Variants in UBR3 observed in about 807,000 individuals in gnomAD.
UBR3 encodes ubiquitin protein ligase E3 component n-recognin 3, also known as E3 ubiquitin-protein ligase UBR3.
In UBR3, 85 loss-of-function variants were observed where a neutral mutation model predicts 243.2. The observed-to-expected ratio is 0.35, with a 90% CI of 0.29 to 0.42. The LOEUF is 0.42. UBR3 is among the 10% of genes least tolerant of loss of function. The pLI is 1.00. For missense variants in UBR3, 1,686 were observed against 2,300.8 expected (o/e 0.73, Z 5.47); for synonymous variants, 748 against 799.8 (o/e 0.94, Z 1.09).
chr2:169,967,756 T>C (rs1041225844), intron 24 of UBR3, among the ~76,000 whole-genome samples: 2 of 152,246 alleles, frequency 1.3e-5, no homozygotes, highest in African/African-American at 4.8e-5. Context: ...AATAATACAG[T>C]TTAATTTGTG....
intron 24 of UBR3, among the ~76,000 whole-genome samples, chr2:169,983,533 A>G (rs1395567581): frequency 6.6e-6 from 1 of 151,930 alleles, no homozygotes; most frequent in Non-Finnish European, 1.5e-5. Flanking sequence ...AAGTGCTGAG[A>G]TTATAGGTGT....
intron 35 of UBR3, among the ~76,000 whole-genome samples, chr2:170,070,145 G>A (rs1249068977): frequency 6.6e-6 from 1 of 152,048 alleles, no homozygotes; most frequent in Non-Finnish European, 1.5e-5. Flanking sequence ...ATGCTGCATT[G>A]AACATGGGCA....
intron 5 of UBR3, among the ~76,000 whole-genome samples, chr2:169,881,953 T>G (rs1234392162): frequency 9.6e-6 from 1 of 104,648 alleles, no homozygotes. Context: ...TACATATGTA[T>G]GTATACATAC....
At position 169,925,685 on chromosome 2, in the gene UBR3, A is replaced by G; in HGVS notation, c.2089A>G (p.Met697Val). Reference protein sequence around the residue: ...RNGLQIKGQAMTYVQSHFCNS... With the variant: ...RNGLQIKGQAVTYVQSHFCNS... ...TGGTCTGCAAATCAAAGGACAAGCC[A>G]TGACGTATGTCCAGTCTCATTTCTG... Residue 697 changes from methionine (M) to valine (V), a missense_variant, in exon 14 of 39, where the codon ATG (methionine) becomes GTG (valine). Met to Val is a conservative substitution (Grantham distance 21, BLOSUM62 1). This residue lies in a region of UBR3 where 346 missense variants were observed against 585.8 expected (regional missense o/e 0.59). Coordinates refer to ENST00000272793, the MANE Select transcript of UBR3 (RefSeq NM_172070.4). 6.4e-7 allele frequency: 1 copy of G among 1,551,304 alleles called. No homozygotes were observed. Among genetic ancestry groups the G allele is most frequent in the South Asian group, 1.2e-5 (1 of 83,998 alleles).
intron 33 of UBR3, 26 bp from the exon 34 acceptor site, chr2:170,061,053 T>TG: frequency 6.9e-7 from 1 of 1,441,550 alleles, no homozygotes; most frequent in South Asian, 1.4e-5. Context: ...CAGTGACCAG[T>TG]GTAACCAATA....
rs1225711717 is a variant in UBR3 at position 170,008,949 on chromosome 2, A to G, written c.4367+9A>G. The G allele has an allele frequency of 8.5e-6, 13 of 1,526,704 alleles. No individual in the cohort carries two copies. Among genetic ancestry groups the G allele is most frequent in the Non-Finnish European group, 1.1e-5 (12 of 1,140,320 alleles). The allele number at this position is 1,526,704 out of a possible 1,614,324, so 94.6% of individuals were successfully genotyped here. ...ATGTACTCTGTTGCTAGGTAGGTAT[A>G]TATAGTGTATACTTTTTAGTTTACT... is the stretch of plus-strand genomic sequence containing the variant. On this transcript the variant is annotated intron_variant, in intron 29 of 38. Transcript: ENST00000272793.
intron 32 of UBR3, among the ~76,000 whole-genome samples, chr2:170,048,591 C>CTGA (rs1265108807): frequency 6.6e-6 from 1 of 152,214 alleles, no homozygotes; most frequent in African/African-American, 2.4e-5. Context: ...TCCCAGCTTG[C>CTGA]TGATGGCTAG....
chr2:169,927,103 A>T lies in UBR3; in HGVS notation c.2338+132A>T, dbSNP rs1016261117. On this transcript the variant is annotated intron_variant, in intron 16 of 38. Transcript: ENST00000272793. ...ATGTAAACAATGTTTCAAACTCTTG[A>T]TATGTTGTACTGTAGGTATACCTTT... The T allele has an allele frequency of 1.4e-4, 173 of 1,208,866 alleles. 1 individual carries two copies. The highest frequency in any genetic ancestry group is 1.9e-4 in the Non-Finnish European group (164 of 876,582). 74.9% of individuals were successfully genotyped at this position (1,208,866 alleles called of 1,614,324 possible).
intron 31 of UBR3, among the ~76,000 whole-genome samples, chr2:170,032,580 CTTTTTTTTTTTTTTTTTT>C (rs6147023): frequency 4.9e-5 from 1 of 20,438 alleles, no homozygotes; most frequent in Non-Finnish European, 8.4e-5. Context: ...ATGACATTCA[CTTTTTTTTTTTTTTTTTT>C]TTTTTTTTTT....
chr2:170,080,375 C>A, intron 37 of UBR3, 170 bp from the exon 38 acceptor site: 1 of 776,044 alleles, frequency 1.3e-6, no homozygotes, highest in South Asian at 2.3e-5. Context: ...ACCCAAATAC[C>A]TCCTAATGTA....
Position 169,950,025 on chromosome 2 carries a change from G to C in UBR3, c.3505G>C (p.Val1169Leu). The C allele has an allele frequency of 6.3e-7, 1 of 1,587,780 alleles. No individual in the cohort carries two copies. The highest frequency in any genetic ancestry group is 8.5e-7 in the Non-Finnish European group (1 of 1,170,488). ...KVTPPVPPKKVTAAEKKTLDK... is the reference protein window; with the variant it reads ...KVTPPVPPKKLTAAEKKTLDK... The stretch of plus-strand genomic sequence containing the variant: ...GACCCCTCCTGTACCACCTAAAAAA[G>C]TCACTGCAGCAGAGAAGAAAACATT... The change falls in exon 23 of 39, where the codon GTC becomes CTC. Residue 1169 changes from valine (V) to leucine (L), a missense_variant. Physicochemically the swap from Val to Leu is conservative, Grantham distance 32. Around this residue, in one of 8 missense-constraint regions of UBR3, gnomAD observed 300 missense variants for 314.4 expected, o/e 0.95. Coordinates refer to ENST00000272793, the MANE Select transcript of UBR3 (RefSeq NM_172070.4).
chr2:169,940,828 G>A (rs900342891), intron 19 of UBR3, among the ~76,000 whole-genome samples: 11 of 152,070 alleles, frequency 7.2e-5, no homozygotes, highest in Admixed American at 6.6e-4. Context: ...ATGGCTGTCC[G>A]AAAATATTAA....
intron 1 of UBR3, among the ~76,000 whole-genome samples, chr2:169,841,916 C>T (rs1461426116): frequency 6.6e-6 from 1 of 152,248 alleles, no homozygotes; most frequent in Non-Finnish European, 1.5e-5. Flanking sequence ...CTGAGGAATG[C>T]GAGCGCACGG....
At chr2:169,908,017 C>T (rs770369414) in intron 10 of UBR3, among the ~76,000 whole-genome samples, 7 of 152,150 alleles carry the variant, frequency 4.6e-5, no homozygotes, top group Non-Finnish European at 8.8e-5. Flanking sequence ...GGTGATCTGC[C>T]CACCTCAGCC....
At chr2:169,988,972 C>T (rs1210648932) in intron 25 of UBR3, among the ~76,000 whole-genome samples, 2 of 152,046 alleles carry the variant, frequency 1.3e-5, no homozygotes, top group Non-Finnish European at 2.9e-5. Context: ...TATTTTGATT[C>T]ATTTCTTCTC....
intron 25 of UBR3, among the ~76,000 whole-genome samples, chr2:169,987,830 T>C (rs562864555): frequency 9.2e-5 from 14 of 152,292 alleles, no homozygotes; most frequent in African/African-American, 3.4e-4. Context: ...AGTTAGATAT[T>C]AGAAACTCCC....
chr2:170,034,002 T>C (rs2090755040), intron 31 of UBR3, among the ~76,000 whole-genome samples: 1 of 126,760 alleles, frequency 7.9e-6, no homozygotes, highest in Non-Finnish European at 1.7e-5. Flanking sequence ...AATTATTTTT[T>C]AAAGACTTTG....
In UBR3 at chr2:169,840,088, C is replaced by CT. The variant is rs1240413579; in HGVS notation, c.545+12042dup. Among the ~76,000 whole-genome samples the CT allele has an allele frequency of 2.6e-5, 4 of 152,248 alleles. No homozygotes were observed. The South Asian group carries it at 8.3e-4, about 32-fold the overall frequency. Reference sequence around the variant, plus strand: ...GGAGAGTTGTGTGTCTGTTCCCATACTTTTTTCTGCAGCTACAGGCATACC... The same window carrying CT: ...GGAGAGTTGTGTGTCTGTTCCCATACTTTTTTTCTGCAGCTACAGGCATACC... On this transcript the variant is annotated intron_variant, in intron 1 of 38. Coordinates refer to ENST00000272793, the MANE Select transcript of UBR3 (RefSeq NM_172070.4).
chr2:170,058,691 T>C (rs372987152), intron 33 of UBR3, among the ~76,000 whole-genome samples: 66 of 152,102 alleles, frequency 4.3e-4, no homozygotes, highest in African/African-American at 1.6e-3. Context: ...AACTTTCCCA[T>C]TTTTTGTGGG....
Sources: allele counts gnomAD v4.1 joint callset (sites outside exome capture counted in the v4.1 genomes callset), GRCh38; gene constraint gnomAD v4.1.1; regional missense constraint gnomAD v4.1.1; transcripts MANE v1.5; gene names NCBI Gene and HGNC (gene_info 2026-07-23, HGNC 2026-07-21).